The following MID1 variants were observed in gnomAD, a reference collection of about 807,000 sequenced individuals.
MID1 encodes E3 ubiquitin-protein ligase Midline-1.
A neutral mutation model predicts 40.4 loss-of-function variants in MID1; 7 were observed. That is an observed-to-expected ratio of 0.17 (90% confidence interval 0.10 to 0.33). MID1 has a LOEUF of 0.33. Ranked by LOEUF, MID1 falls within the 10% of genes least tolerant of loss-of-function variation. The pLI, the probability that MID1 is intolerant of heterozygous loss-of-function variation, is 1.00. For missense variants in MID1, 367 were observed against 558.5 expected (o/e 0.66, Z 3.46); for synonymous variants, 229 against 221.2 (o/e 1.04, Z -0.31).
At chrX:10,785,420 C>A (rs1360614448) in intron 1 of MID1, among the ~76,000 whole-genome samples, 1 of 110,985 alleles carries the variant, frequency 9.0e-6, no homozygotes, top group Non-Finnish European at 1.9e-5. Context: ...CAATGCCATC[C>A]CCATCAAGCT....
At chrX:10,658,134 T>A (rs1391223344) in intron 1 of MID1, among the ~76,000 whole-genome samples, 5 of 110,954 alleles carry the variant, frequency 4.5e-5, no homozygotes, top group African/African-American at 1.6e-4. Flanking sequence ...TCTTAATAGT[T>A]CTGAATGATG....
At chrX:10,807,307 T>C (rs2044055431) in intron 1 of MID1, among the ~76,000 whole-genome samples, 1 of 112,064 alleles carries the variant, frequency 8.9e-6, no homozygotes, top group African/African-American at 3.2e-5. Flanking sequence ...CATATTGGTT[T>C]TCTGTTGCTG....
At chrX:10,689,190 T>C (rs749061236) in intron 1 of MID1, among the ~76,000 whole-genome samples, 72 of 111,707 alleles carry the variant, frequency 6.4e-4, no homozygotes, top group Non-Finnish European at 1.1e-3. Flanking sequence ...AAGAACAACC[T>C]GAGACTGGGT....
intron 1 of MID1, among the ~76,000 whole-genome samples, chrX:10,660,086 G>A (rs1249591007): frequency 3.6e-5 from 4 of 111,885 alleles, no homozygotes; most frequent in African/African-American, 1.3e-4. Flanking sequence ...CCCCACAGTC[G>A]TGTCTCTCCC....
intron 1 of MID1, among the ~76,000 whole-genome samples, chrX:10,587,439 C>T (rs925532244): frequency 1.2e-4 from 13 of 112,958 alleles, no homozygotes; most frequent in African/African-American, 4.2e-4. Flanking sequence ...GGACAGCCCT[C>T]GGGGGCTGAC....
intron 8 of MID1, among the ~76,000 whole-genome samples, chrX:10,459,264 T>C (rs1569269692): frequency 9.0e-6 from 1 of 111,451 alleles, no homozygotes; most frequent in Non-Finnish European, 1.9e-5. Context: ...TTCTGAAGAG[T>C]GATTAGTTGG....
At chrX:10,811,795 C>T (rs1006309977) in intron 1 of MID1, among the ~76,000 whole-genome samples, 2 of 111,493 alleles carry the variant, frequency 1.8e-5, no homozygotes, top group African/African-American at 3.3e-5. Context: ...GATGAAATTT[C>T]CAACAAGGTG....
chrX:10,776,703 C>T (rs1413282390), intron 1 of MID1, among the ~76,000 whole-genome samples: 1 of 111,027 alleles, frequency 9.0e-6, no homozygotes, highest in African/African-American at 3.3e-5. Flanking sequence ...CCTGTGTCTA[C>T]AAAAAATTTA....
intron 1 of MID1, among the ~76,000 whole-genome samples, chrX:10,680,860 G>A (rs1033688276): frequency 6.4e-5 from 7 of 108,528 alleles, no homozygotes; most frequent in Non-Finnish European, 1.1e-4. Context: ...GTGAAACCCC[G>A]TCACTACCAA....
chrX:10,580,599 C>T (rs1934987048), intron 1 of MID1, among the ~76,000 whole-genome samples: 1 of 111,263 alleles, frequency 9.0e-6, no homozygotes. Context: ...ATCATCATAG[C>T]TTATTGGACT....
At chrX:10,460,085 A>T in intron 7 of MID1, 1 of 386,689 alleles carries the variant, frequency 2.6e-6, no homozygotes, top group South Asian at 3.4e-5. Context: ...GTGGCTTTGA[A>T]TTTGGTCAAG....
intron 1 of MID1, among the ~76,000 whole-genome samples, chrX:10,751,831 A>G (rs60892926): frequency 0.1 from 11,670 of 111,497 alleles, 1,474 homozygotes; most frequent in African/African-American, 0.36. Flanking sequence ...GACCCCCAAT[A>G]TTGGAGGAAC....
intron 1 of MID1, among the ~76,000 whole-genome samples, chrX:10,832,896 T>C (rs183982698): frequency 3.4e-4 from 38 of 112,553 alleles, no homozygotes. Flanking sequence ...TTTAACTCAA[T>C]TGACCACAAT....
intron 3 of MID1, chrX:10,501,477 A>G (rs763136149): frequency 5.2e-6 from 6 of 1,149,390 alleles, no homozygotes; most frequent in Non-Finnish European, 6.9e-6. Flanking sequence ...TCTTGCCTGT[A>G]GGGAGTTGCT....
intron 1 of MID1, among the ~76,000 whole-genome samples, chrX:10,827,434 T>C (rs1332024506): frequency 4.7e-5 from 5 of 106,588 alleles, no homozygotes; most frequent in Non-Finnish European, 9.6e-5. Flanking sequence ...GAGGAAAGAT[T>C]CCTGCTCCCC....
intron 7 of MID1, among the ~76,000 whole-genome samples, chrX:10,469,099 A>T (rs761927194): frequency 5.2e-4 from 58 of 110,724 alleles, no homozygotes; most frequent in African/African-American, 1.8e-3. Flanking sequence ...TTGAGACAGC[A>T]TTCTCACTGT....
intron 1 of MID1, among the ~76,000 whole-genome samples, chrX:10,729,943 G>A (rs2043429954): frequency 9.1e-6 from 1 of 109,628 alleles, no homozygotes; most frequent in Admixed American, 9.7e-5. Context: ...AATTAGCCGG[G>A]CGTGGTGGCG....
intron 1 of MID1, among the ~76,000 whole-genome samples, chrX:10,829,699 C>A (rs937251707): frequency 9.0e-6 from 1 of 111,521 alleles, no homozygotes; most frequent in Non-Finnish European, 1.9e-5. Context: ...CACCAGCTAA[C>A]CTTTCCTCAA....
intron 1 of MID1, among the ~76,000 whole-genome samples, chrX:10,602,698 C>T (rs750324644): frequency 7.1e-5 from 8 of 112,332 alleles, no homozygotes; most frequent in African/African-American, 2.6e-4. Flanking sequence ...AGTAATTATA[C>T]AATATCTTCT....
Sources: allele counts gnomAD v4.1 joint callset (sites outside exome capture counted in the v4.1 genomes callset), GRCh38; gene constraint gnomAD v4.1.1; transcripts MANE v1.5; gene names NCBI Gene and HGNC (gene_info 2026-07-23, HGNC 2026-07-21).